TBC1D4: variants seen among roughly 807,000 people sequenced by gnomAD.
TBC1D4 encodes TBC (Tre-2, BUB2, CDC16) domain-containing protein.
Under a neutral mutation model 142.5 loss-of-function variants are expected in TBC1D4, and 121 were observed. That is an observed-to-expected ratio of 0.85 (90% CI 0.73 to 0.99). The LOEUF (loss-of-function observed/expected upper bound fraction) is 0.99. Ranked by LOEUF, TBC1D4 falls within the 50% of genes least tolerant of loss-of-function variation. The pLI is 0.00. For synonymous variants in TBC1D4, 630 were observed against 628.2 expected (o/e 1.00, Z -0.04); for missense variants, 1,475 against 1,606.6 (o/e 0.92, Z 1.40).
chr13:75,443,835 C>T (rs1370214061), intron 1 of TBC1D4, among the ~76,000 whole-genome samples: 1 of 152,170 alleles, frequency 6.6e-6, no homozygotes, highest in Non-Finnish European at 1.5e-5. Context: ...TTCCACCTAC[C>T]TTGCCAAGCA....
chr13:75,437,298 T>C (rs968290539), intron 1 of TBC1D4, among the ~76,000 whole-genome samples: 10 of 152,102 alleles, frequency 6.6e-5, no homozygotes, highest in African/African-American at 2.2e-4. Context: ...CAACGAAGCA[T>C]TAAGGGGGCA....
intron 12 of TBC1D4, among the ~76,000 whole-genome samples, chr13:75,318,569 CA>C (rs1490663030): frequency 6.6e-6 from 1 of 152,262 alleles, no homozygotes; most frequent in East Asian, 1.9e-4. Context: ...ATTTTTTCTA[CA>C]GGATCCACAG....
At chr13:75,307,752 A>G (rs1192277786) in intron 14 of TBC1D4, among the ~76,000 whole-genome samples, 1 of 152,244 alleles carries the variant, frequency 6.6e-6, no homozygotes, top group Non-Finnish European at 1.5e-5. Flanking sequence ...AAGTCCAAAC[A>G]TAATCTAAAG....
intron 1 of TBC1D4, among the ~76,000 whole-genome samples, chr13:75,404,865 C>T (rs1295040580): frequency 6.6e-6 from 1 of 152,168 alleles, no homozygotes; most frequent in African/African-American, 2.4e-5. Flanking sequence ...GTCCCCCCTC[C>T]ACCCATGCAG....
intron 4 of TBC1D4, among the ~76,000 whole-genome samples, chr13:75,350,509 T>G (rs1881508443): frequency 6.6e-6 from 1 of 152,200 alleles, no homozygotes; most frequent in Non-Finnish European, 1.5e-5. Context: ...TGATAAAATG[T>G]TATTTTATAC....
chr13:75,481,213 TG>T, intron 1 of TBC1D4, 56 bp downstream of exon 1: 2 of 657,622 alleles, frequency 3.0e-6, no homozygotes, highest in Non-Finnish European at 5.1e-6. Flanking sequence ...CCTCCCGCCC[TG>T]CTCCCCGATC....
chr13:75,295,087 T>G (rs191630309), intron 17 of TBC1D4, 74 bp from the exon 18 acceptor site: 1 of 1,348,596 alleles, frequency 7.4e-7, no homozygotes, highest in African/African-American at 1.5e-5. Context: ...TGATTTTAAT[T>G]TTATTCTAAT....
At chr13:75,424,210 T>C (rs1328601800) in intron 1 of TBC1D4, among the ~76,000 whole-genome samples, 2 of 151,154 alleles carry the variant, frequency 1.3e-5, no homozygotes, top group African/African-American at 4.9e-5. Context: ...GTGTTTGAGG[T>C]TGCAGTGAGC....
chr13:75,397,419 A>G (rs1566458902), intron 1 of TBC1D4, among the ~76,000 whole-genome samples: 1 of 152,224 alleles, frequency 6.6e-6, no homozygotes, highest in East Asian at 1.9e-4. Context: ...AAGAGAAGGA[A>G]AGGCAGTAGA....
intron 3 of TBC1D4, among the ~76,000 whole-genome samples, chr13:75,357,897 A>G (rs1444820763): frequency 3.3e-5 from 5 of 152,250 alleles, no homozygotes; most frequent in Non-Finnish European, 7.3e-5. Context: ...TTTCTGAACC[A>G]GAATATCAGA....
At position 75,397,631 on chromosome 13, in the gene TBC1D4, TTTTTGTTTTG is replaced by T. The variant is rs147432891; in HGVS notation, c.499-35034_499-35025del. On this transcript the variant is annotated intron_variant, in intron 1 of 20. Coordinates refer to ENST00000377636, the MANE Select transcript of TBC1D4 (RefSeq NM_014832.5). ...TGTGTTTGTTTTGATTTGCTTTGCTTTTTTGTTTTGTTTTGTTTTGTTTTTCATTTGTTTG... is the reference window on the plus strand; with the variant it reads ...TGTGTTTGTTTTGATTTGCTTTGCTTTTTTGTTTTGTTTTTCATTTGTTTG... Among the ~76,000 whole-genome samples the T allele has an allele frequency of 5.1e-3, 774 of 152,310 alleles. 7 individuals carry two copies. Among genetic ancestry groups the T allele is most frequent in the African/African-American group, 0.017 (700 of 41,556 alleles).
At chr13:75,375,747 G>A (rs767989118) in intron 1 of TBC1D4, 1 of 144,714 alleles carries the variant, frequency 6.9e-6, no homozygotes, top group Non-Finnish European at 1.5e-5. Context: ...AGAAATAGAG[G>A]ACATTCCCCT....
At position 75,312,758 on chromosome 13, in the gene TBC1D4, G is replaced by A; in HGVS notation, c.2363C>T (p.Pro788Leu). The A allele has an allele frequency of 1.9e-6, 3 of 1,614,138 alleles. No homozygotes were observed. Among genetic ancestry groups the A allele is most frequent in the Non-Finnish European group, 2.5e-6 (3 of 1,180,032 alleles). The change falls in exon 13 of 21, where the codon CCC becomes CTC. Residue 788 changes from proline (P) to leucine (L), a missense_variant. Coordinates refer to ENST00000377636, the MANE Select transcript of TBC1D4 (RefSeq NM_014832.5). ...CAGACCTTGCTGTTGCATTGCTGAG[G>A]GAGATTTGTTCATGGGAGAAGCAAC... ...LRVASPMNKSPSAMQQQDGLD... is the reference protein window; with the variant it reads ...LRVASPMNKSLSAMQQQDGLD...
chr13:75,424,673 C>A (rs1319287206), intron 1 of TBC1D4, among the ~76,000 whole-genome samples: 1 of 152,066 alleles, frequency 6.6e-6, no homozygotes, highest in African/African-American at 2.4e-5. Flanking sequence ...TACACATAGG[C>A]CAGTGGAATG....
At chr13:75,390,632 C>T (rs998446750) in intron 1 of TBC1D4, among the ~76,000 whole-genome samples, 10 of 152,018 alleles carry the variant, frequency 6.6e-5, no homozygotes, top group Non-Finnish European at 1.3e-4. Context: ...AACAGTAATT[C>T]CTCAAGACTT....
At chr13:75,446,096 CA>C (rs1218042667) in intron 1 of TBC1D4, among the ~76,000 whole-genome samples, 2 of 152,144 alleles carry the variant, frequency 1.3e-5, no homozygotes, top group African/African-American at 4.8e-5. Flanking sequence ...TAAGTAGTAG[CA>C]GGGGAGACAG....
At chr13:75,366,867 A>C (rs1882942173) in intron 1 of TBC1D4, 29 of 850,880 alleles carry the variant, frequency 3.4e-5, no homozygotes, top group Non-Finnish European at 3.9e-5. Context: ...GACCTGAACA[A>C]ACACAGGAGA....
intron 1 of TBC1D4, among the ~76,000 whole-genome samples, chr13:75,451,988 T>C (rs1593901397): frequency 6.6e-6 from 1 of 152,198 alleles, no homozygotes; most frequent in South Asian, 2.1e-4. Context: ...ATTAATTCTT[T>C]AGTACAAGAT....
At chr13:75,351,809 T>C (rs2138126669) in intron 4 of TBC1D4, among the ~76,000 whole-genome samples, 1 of 152,260 alleles carries the variant, frequency 6.6e-6, no homozygotes, top group East Asian at 1.9e-4. Flanking sequence ...TAATCTAATC[T>C]ACCGTTGTTG....
Sources: allele counts gnomAD v4.1 joint callset (sites outside exome capture counted in the v4.1 genomes callset), GRCh38; gene constraint gnomAD v4.1.1; transcripts MANE v1.5; gene names NCBI Gene and HGNC (gene_info 2026-07-23, HGNC 2026-07-21).